EMC3: variants seen among roughly 807,000 people sequenced by gnomAD.
EMC3 encodes the protein ER membrane protein complex subunit 3, also known as 30 kDa protein.
Under a neutral mutation model 36.6 loss-of-function variants are expected in EMC3, and 13 were observed. That is an observed-to-expected ratio of 0.35 (90% CI 0.23 to 0.56). EMC3 has a LOEUF of 0.56. Among genes scored for constraint, EMC3 ranks in the 20% least tolerant of loss-of-function variants. The pLI, the probability that EMC3 is intolerant of heterozygous loss-of-function variation, is 0.84. For missense variants in EMC3, 220 were observed against 324.5 expected, an observed-to-expected ratio of 0.68 and a Z score of 2.47; for synonymous variants, 120 against 111.9, an observed-to-expected ratio of 1.07 and a Z score of -0.46.
chr3:9,983,538 G>T (rs191677109), intron 1 of EMC3, among the ~76,000 whole-genome samples: 3 of 152,098 alleles, frequency 2.0e-5, no homozygotes, highest in African/African-American at 7.2e-5. Flanking sequence ...CAGGCATGCT[G>T]GCGCATGCCG....
intron 1 of EMC3, chr3:9,992,765 G>A (rs2086070510): frequency 1.4e-6 from 1 of 731,766 alleles, no homozygotes; most frequent in Non-Finnish European, 2.3e-6. Context: ...GGAGTGTGTG[G>A]AACAAATGAG....
At chr3:10,009,550 T>C (rs2086301805) in intron 1 of EMC3, among the ~76,000 whole-genome samples, 1 of 152,202 alleles carries the variant, frequency 6.6e-6, no homozygotes, top group Admixed American at 6.5e-5. Context: ...GAGAACCATC[T>C]AGAAGCATCA....
intron 1 of EMC3, chr3:10,009,209 T>C (rs7349576): frequency 0.37 from 56,908 of 152,090 alleles, 14,687 homozygotes; most frequent in African/African-American, 0.74. Flanking sequence ...TGCCACCTGG[T>C]CCCGCCCCTG....
rs773989586 is a variant in EMC3 at position 10,007,634 on chromosome 3, G to A, written c.-242+3389C>T. On this transcript the variant is annotated intron_variant, in intron 1 of 8. Transcript: ENST00000470827. ...GACACAGCAGCAGCCCTGAGGGATG[G>A]AGGGGGTGGTGGGAATGGGGGCTTT... 22 of 1,362,326 alleles carry A rather than the reference G, an allele frequency of 1.6e-5. No homozygotes were observed. In the South Asian group the frequency reaches 2.5e-4, roughly 16 times the overall value. 84.4% of individuals were successfully genotyped at this position (1,362,326 alleles called of 1,614,324 possible).
In EMC3 at chr3:9,969,814, A is replaced by T; in HGVS notation, c.575-13T>A. On this transcript the variant is annotated splice_polypyrimidine_tract_variant and intron_variant, in intron 6 of 7. Transcript: ENST00000245046. ...GATTGGTCAGCGGCTGTAGCATAAGACACACTTACATGAGTGCCAGGACTC... is the reference window on the plus strand; with the variant it reads ...GATTGGTCAGCGGCTGTAGCATAAGTCACACTTACATGAGTGCCAGGACTC... 3.7e-6 allele frequency: 6 copies of T among 1,612,460 alleles called. No individual in the cohort carries two copies. Among genetic ancestry groups the T allele is most frequent in the Non-Finnish European group, 5.1e-6 (6 of 1,179,806 alleles).
Position 9,965,414 on chromosome 3 carries a change from C to CTCGA in EMC3, c.658-1221_658-1218dup, listed in dbSNP as rs748676366. 2.4e-3 allele frequency among the ~76,000 whole-genome samples: 240 copies of CTCGA among 100,304 alleles called. 2 individuals are homozygous for CTCGA. Among genetic ancestry groups the CTCGA allele is most frequent in the Middle Eastern group, 0.021 (4 of 194 alleles). 65.8% of individuals were successfully genotyped at this position (100,304 alleles called of 152,430 possible). ...CCAGCCTGGGTGACACAGTGAGACC[C>CTCGA]TCGATAGATAGATAGATAGATAGAT... On this transcript the variant is annotated intron_variant, in intron 7 of 7. Coordinates refer to ENST00000245046, the MANE Select transcript of EMC3 (RefSeq NM_001394674.1).
chr3:10,004,723 G>C (rs1034620097), intron 1 of EMC3: 1 of 152,286 alleles, frequency 6.6e-6, no homozygotes, highest in Non-Finnish European at 1.5e-5. Context: ...GGAGACACCA[G>C]AACGACTGTC....
At chr3:10,001,147 G>GTATAGTGTATTTTAAGGATTTA (rs2086194298) in intron 1 of EMC3, among the ~76,000 whole-genome samples, 1 of 152,004 alleles carries the variant, frequency 6.6e-6, no homozygotes, top group Non-Finnish European at 1.5e-5. Context: ...TAATGTTTGT[G>GTATAGTGTATTTTAAGGATTTA]TATAGTGTAT....
At chr3:9,995,168 A>G (rs1162575972) in intron 1 of EMC3, among the ~76,000 whole-genome samples, 2 of 152,058 alleles carry the variant, frequency 1.3e-5, no homozygotes, top group African/African-American at 2.4e-5. Context: ...ACATTTCTGG[A>G]CCCTCTTAAT....
At chr3:9,969,548 T>C (rs1172548085) in intron 7 of EMC3, 171 bp downstream of exon 7, 2 of 1,502,436 alleles carry the variant, frequency 1.3e-6, no homozygotes, top group Non-Finnish European at 1.8e-6. Context: ...TCCATTTACT[T>C]AATAGATGAT....
At chr3:9,974,582 G>A (rs527868288) in intron 3 of EMC3, 94 bp from the exon 4 acceptor site, 25 of 815,636 alleles carry the variant, frequency 3.1e-5, no homozygotes, top group Middle Eastern at 2.9e-4. Flanking sequence ...TTTTTGAGAC[G>A]GAGTCCCGCT....
chr3:10,008,711 C>T (rs777983467), intron 1 of EMC3: 34 of 343,638 alleles, frequency 9.9e-5, no homozygotes, highest in Non-Finnish European at 1.6e-4. Context: ...TGCCCCGCAC[C>T]CACATAGCCA....
upstream of EMC3, chr3:9,986,994 T>A (rs2085983000): frequency 9.2e-7 from 1 of 1,087,052 alleles, no homozygotes. Flanking sequence ...GGTGGGGGGA[T>A]CACGAGGTCA....
chr3:9,974,296 A>G (rs2085821181), intron 4 of EMC3, 88 bp downstream of exon 4: 1 of 918,464 alleles, frequency 1.1e-6, no homozygotes, highest in Admixed American at 2.1e-5. Context: ...TCAGTTTACA[A>G]AAGAAAACAC....
chr3:9,972,459 A>G (rs1161029720), intron 5 of EMC3, among the ~76,000 whole-genome samples: 1 of 135,918 alleles, frequency 7.4e-6, no homozygotes, highest in Non-Finnish European at 1.6e-5. Context: ...GTGGAGTTTC[A>G]ATGAAAAAAA....
At chr3:10,008,414 A>G (rs373591604) in intron 1 of EMC3, 1 of 1,367,672 alleles carries the variant, frequency 7.3e-7, no homozygotes. Flanking sequence ...CTGGGCCGGC[A>G]TGCAGGCCGG....
Position 9,962,911 on chromosome 3 carries a change from C to G in EMC3, c.*1158G>C, listed in dbSNP as rs932616471. 11 of 152,186 alleles carry G rather than the reference C, an allele frequency of 7.2e-5. No homozygotes were observed. Among genetic ancestry groups the G allele is most frequent in the African/African-American group, 2.2e-4 (9 of 41,452 alleles). 9.4% of individuals were successfully genotyped at this position (152,186 alleles called of 1,614,324 possible). ...GTAAATTCTCTTTTGTTCCAAGCAA[C>G]TGGGAAATGAGGTCCTTCATCCAAA... On this transcript the variant is annotated 3_prime_UTR_variant, in exon 8 of 8. Transcript: ENST00000245046.
rs978835793 is a variant in EMC3 at position 9,974,439 on chromosome 3, G to A, written c.357C>T (p.Leu119=). 1 of 1,613,832 alleles carries A rather than the reference G, an allele frequency of 6.2e-7. No individual in the cohort carries two copies. Among genetic ancestry groups the A allele is most frequent in the African/African-American group, 1.3e-5 (1 of 74,918 alleles). The change falls in exon 4 of 8, where the codon CTC becomes CTT. Residue 119 remains leucine, a synonymous_variant. Transcript: ENST00000245046. ...TCCATCCACCAATAAGAATCATAGG[G>A]AGGACATTTGTTACATTCCCTTTCA... ...DMMKGNVTNV[L]PMILIGGWIN...
chr3:9,985,269 C>T (rs2085958309), intron 1 of EMC3, among the ~76,000 whole-genome samples: 1 of 152,158 alleles, frequency 6.6e-6, no homozygotes, highest in South Asian at 2.1e-4. Context: ...AACAAAACAA[C>T]ATTATTAAAT....
Sources: gnomAD v4.1 joint callset for allele counts (sites outside exome capture counted in the v4.1 genomes callset) on GRCh38, gnomAD v4.1.1 for gene constraint, MANE v1.5 for transcripts, NCBI Gene and HGNC (gene_info 2026-07-23, HGNC 2026-07-21) for gene names.